GOLPH3L: variants seen among roughly 807,000 people sequenced by gnomAD.
GOLPH3L encodes golgi phosphoprotein 3 like.
A neutral mutation model predicts 30.3 loss-of-function variants in GOLPH3L; 22 were observed. The observed-to-expected ratio is 0.73, with a 90% CI of 0.52 to 1.04. The LOEUF is 1.04. Among genes scored for constraint, GOLPH3L ranks in the 50% least tolerant of loss-of-function variants. The probability of loss-of-function intolerance (pLI) is 0.00; values close to 1 mark genes in which losing one functional copy is unlikely to be tolerated. For missense variants in GOLPH3L, 303 were observed against 345.8 expected (o/e 0.88, Z 0.98); for synonymous variants, 120 against 128.2 (o/e 0.94, Z 0.43).
chr1:150,648,476 G>A lies in GOLPH3L; in HGVS notation c.703C>T (p.Leu235=), dbSNP rs1486775188. The change falls in exon 5 of 5, where the codon CTA becomes TTA. Residue 235 remains leucine (L), a synonymous_variant. Coordinates refer to ENST00000271732, the MANE Select transcript of GOLPH3L (RefSeq NM_018178.6). ...LLVLAHSSDV[L]ENVFSSLTDD... ...GTCAGAGAGGAGAAGACATTCTCTA[G>A]CACATCAGAGGAGTGGGCTAGCACC... The A allele has an allele frequency of 6.2e-6, 10 of 1,614,084 alleles. No individual in the cohort carries two copies. Among genetic ancestry groups the A allele is most frequent in the African/African-American group, 1.3e-5 (1 of 75,044 alleles).
chr1:150,676,890 T>A (rs1400290289), intron 2 of GOLPH3L, among the ~76,000 whole-genome samples: 1 of 152,010 alleles, frequency 6.6e-6, no homozygotes, highest in African/African-American at 2.4e-5. Flanking sequence ...GTGATCCACC[T>A]GCCTCAGCTT....
Position 150,661,905 on chromosome 1 carries a change from T to C in GOLPH3L, c.339A>G (p.Pro113=), listed in dbSNP as rs926157747. 6.4e-7 allele frequency: 1 copy of C among 1,574,456 alleles called. No homozygotes were observed. ...DRKVLLKSDS[P]TGDVLLDETL... is the part of the protein sequence containing the mutation. Reference sequence around the variant, plus strand: ...TTTCATCCAGTAAAACATCACCTGTTGGGCTGTCTGACTTTAGCAGTACCT... The same window carrying C: ...TTTCATCCAGTAAAACATCACCTGTCGGGCTGTCTGACTTTAGCAGTACCT... Residue 113 remains proline, a synonymous_variant, in exon 4 of 5, where the codon CCA becomes CCG. Transcript: ENST00000271732.
chr1:150,694,630 T>C, intron 2 of GOLPH3L, 26 bp downstream of exon 2: 1 of 1,422,758 alleles, frequency 7.0e-7, no homozygotes, highest in East Asian at 2.3e-5. Flanking sequence ...GTCTTTGAGA[T>C]AGCCTAGCAA....
At chr1:150,655,541 AC>A (rs1227438122) in intron 4 of GOLPH3L, among the ~76,000 whole-genome samples, 2 of 152,196 alleles carry the variant, frequency 1.3e-5, no homozygotes, top group African/African-American at 4.8e-5. Context: ...AAGTGGAAAG[AC>A]AAAGTTCCTG....
At chr1:150,674,518 C>A (rs1342527966) in intron 2 of GOLPH3L, among the ~76,000 whole-genome samples, 1 of 152,128 alleles carries the variant, frequency 6.6e-6, no homozygotes, top group South Asian at 2.1e-4. Flanking sequence ...CTGCCTTGGC[C>A]TCCCAAAGTG....
intron 2 of GOLPH3L, among the ~76,000 whole-genome samples, chr1:150,685,784 G>A (rs1453950553): frequency 6.6e-6 from 1 of 151,698 alleles, no homozygotes; most frequent in Non-Finnish European, 1.5e-5. Context: ...AATTATTTGG[G>A]TCACACTAAA....
chr1:150,693,819 G>A (rs867449283), intron 2 of GOLPH3L, among the ~76,000 whole-genome samples: 21 of 86,862 alleles, frequency 2.4e-4, no homozygotes, highest in African/African-American at 1.0e-3. Flanking sequence ...GTGTGTGTGT[G>A]TATATATATA....
chr1:150,695,141 T>G (rs1410846428), intron 1 of GOLPH3L, among the ~76,000 whole-genome samples: 1 of 152,192 alleles, frequency 6.6e-6, no homozygotes, highest in Non-Finnish European at 1.5e-5. Context: ...TTTCTTTTTC[T>G]TCTTCTTTTC....
intron 2 of GOLPH3L, among the ~76,000 whole-genome samples, chr1:150,685,385 TA>T (rs1245219277): frequency 6.6e-6 from 1 of 152,176 alleles, no homozygotes; most frequent in Non-Finnish European, 1.5e-5. Context: ...TGAAACATAA[TA>T]ATCTTTTATC....
chr1:150,654,996 G>A (rs893131256), intron 4 of GOLPH3L, among the ~76,000 whole-genome samples: 2 of 152,198 alleles, frequency 1.3e-5, no homozygotes, highest in African/African-American at 4.8e-5. Context: ...AGCAGAGCCA[G>A]GAGAGCGTAT....
intron 2 of GOLPH3L, among the ~76,000 whole-genome samples, chr1:150,686,272 T>C (rs1651084363): frequency 6.6e-6 from 1 of 152,164 alleles, no homozygotes; most frequent in Non-Finnish European, 1.5e-5. Flanking sequence ...TGGAGCACAG[T>C]GGTGTGATCA....
chr1:150,651,761 A>C (rs1650110737), intron 4 of GOLPH3L, among the ~76,000 whole-genome samples: 1 of 151,896 alleles, frequency 6.6e-6, no homozygotes, highest in East Asian at 1.9e-4. Flanking sequence ...CAAAGAAATT[A>C]TGTAATATGA....
At chr1:150,657,851 C>G (rs920396463) in intron 4 of GOLPH3L, among the ~76,000 whole-genome samples, 1 of 152,234 alleles carries the variant, frequency 6.6e-6, no homozygotes, top group Non-Finnish European at 1.5e-5. Context: ...CCATATACAA[C>G]TGAATCTAGC....
Position 150,679,797 on chromosome 1 carries a change from A to G in GOLPH3L, c.183+14859T>C, listed in dbSNP as rs587719080. Among the ~76,000 whole-genome samples, 6 of 152,196 alleles carry G rather than the reference A, an allele frequency of 3.9e-5. No homozygotes were observed. The South Asian group carries it at 1.2e-3, about 32-fold the overall frequency. On this transcript the variant is annotated intron_variant, in intron 2 of 4. Coordinates refer to ENST00000271732, the MANE Select transcript of GOLPH3L (RefSeq NM_018178.6). The stretch of plus-strand genomic sequence containing the variant: ...CCTGGACGACAGAGTGGAGACTGTT[A>G]CCAAAAATAATAATAATAATAAAAA...
rs761082139 is a variant in GOLPH3L at position 150,648,293 on chromosome 1, G to A, written c.*28C>T. On this transcript the variant is annotated 3_prime_UTR_variant, in exon 5 of 5. Coordinates refer to ENST00000271732, the MANE Select transcript of GOLPH3L (RefSeq NM_018178.6). ...GTCTCTGACAGTCACCAGCCAGCAG[G>A]GGAAAAGGAGAAATCCACCTGCCGG... The A allele has an allele frequency of 2.1e-5, 32 of 1,512,376 alleles. No homozygotes were observed. The highest frequency in any genetic ancestry group is 3.8e-5 in the Admixed American group (2 of 52,972). 93.7% of individuals were successfully genotyped at this position (1,512,376 alleles called of 1,614,324 possible). A position where few individuals can be genotyped will look rare whatever the true frequency, so the allele number is the denominator to read the frequency against.
At chr1:150,653,562 C>G (rs72700897) in intron 4 of GOLPH3L, among the ~76,000 whole-genome samples, 57,397 of 148,494 alleles carry the variant, frequency 0.39, 11,270 homozygotes, top group South Asian at 0.55. Flanking sequence ...CCCAGCCCAA[C>G]TGATCCTCCC....
intron 2 of GOLPH3L, among the ~76,000 whole-genome samples, chr1:150,693,427 T>C (rs1160792037): frequency 6.6e-6 from 1 of 152,154 alleles, no homozygotes; most frequent in Non-Finnish European, 1.5e-5. Flanking sequence ...ATTTTGTATG[T>C]TTTCAAAACT....
Position 150,648,371 on chromosome 1 carries a change from T to C in GOLPH3L, c.808A>G (p.Ser270Gly). Reference sequence around the variant, plus strand: ...ACAGCCCAGATCATTTCTGTGGCACTAGGCTTTGTCCCTTCCACTTCAGGG... The same window carrying C: ...ACAGCCCAGATCATTTCTGTGGCACCAGGCTTTGTCCCTTCCACTTCAGGG... ...LDPEVEGTKP[S>G]ATEMIWAVLA... The change falls in exon 5 of 5, where the codon AGT (serine) becomes GGT (glycine). Residue 270 changes from serine (S) to glycine (G), a missense_variant. Transcript: ENST00000271732. The C allele has an allele frequency of 1.9e-6, 3 of 1,613,936 alleles. No individual in the cohort carries two copies. The highest frequency in any genetic ancestry group is 1.7e-4 in the Middle Eastern group (1 of 6,058).
At position 150,649,114 on chromosome 1, in the gene GOLPH3L, G is replaced by A. The variant is rs1245385542; in HGVS notation, c.431-366C>T. 3.3e-5 allele frequency among the ~76,000 whole-genome samples: 5 copies of A among 152,196 alleles called. No individual in the cohort carries two copies. The East Asian group carries it at 9.6e-4, about 29-fold the overall frequency. On this transcript the variant is annotated intron_variant, in intron 4 of 4. Coordinates refer to ENST00000271732, the MANE Select transcript of GOLPH3L (RefSeq NM_018178.6). The stretch of plus-strand genomic sequence containing the variant: ...GTTCTATTTGCTGGTGAAGCTAAGA[G>A]GACTGAGGTTCCCTACCCTATTTGT...
Sources: gnomAD v4.1 joint callset for allele counts (sites outside exome capture counted in the v4.1 genomes callset) on GRCh38, gnomAD v4.1.1 for gene constraint, MANE v1.5 for transcripts, NCBI Gene and HGNC (gene_info 2026-07-23, HGNC 2026-07-21) for gene names.